Variants in CD163 observed in about 807,000 individuals in gnomAD.
CD163 encodes the protein CD163 molecule, also known as scavenger receptor cysteine-rich type 1 protein M130.
Under a neutral mutation model 129.2 loss-of-function variants are expected in CD163, and 64 were observed. That is an observed-to-expected ratio of 0.50 (90% CI 0.41 to 0.61). The LOEUF (loss-of-function observed/expected upper bound fraction) is 0.61. CD163 is among the 20% of genes least tolerant of loss of function. CD163 has a pLI of 0.00. For missense variants in CD163, 1,061 were observed against 1,377.9 expected, an observed-to-expected ratio of 0.77 and a Z score of 3.64; for synonymous variants, 446 against 478.5, an observed-to-expected ratio of 0.93 and a Z score of 0.89.
At position 7,486,432 on chromosome 12, in the gene CD163, C is replaced by A. The variant is rs576127661; in HGVS notation, c.2458+67G>T. On this transcript the variant is annotated intron_variant, in intron 10 of 16. Transcript: ENST00000432237. ...TTCAGGAAAATCTTTAAGATTAATACCCCTCACTACCCTTCCTCAGTCCTT... is the reference window on the plus strand; with the variant it reads ...TTCAGGAAAATCTTTAAGATTAATAACCCTCACTACCCTTCCTCAGTCCTT... The A allele has an allele frequency of 1.6e-4, 217 of 1,394,994 alleles. No homozygotes were observed. In the African/African-American group the frequency reaches 2.1e-3, roughly 13 times the overall value. The allele number at this position is 1,394,994 out of a possible 1,614,324, so 86.4% of individuals were successfully genotyped here. A position where few individuals can be genotyped will look rare whatever the true frequency, so the allele number is the denominator to read the frequency against.
intron 16 of CD163, among the ~76,000 whole-genome samples, chr12:7,472,365 C>T (rs1949016805): frequency 6.6e-6 from 1 of 152,182 alleles, no homozygotes; most frequent in East Asian, 1.9e-4. Context: ...GACGAAACTT[C>T]CAGAGGAATG....
chr12:7,494,659 T>G (rs1275359710), intron 6 of CD163, among the ~76,000 whole-genome samples: 1 of 152,204 alleles, frequency 6.6e-6, no homozygotes, highest in East Asian at 1.9e-4. Context: ...TTTTTGAGCT[T>G]TTTAAAGAGG....
chr12:7,497,406 T>C (rs1949418433), intron 4 of CD163, among the ~76,000 whole-genome samples: 1 of 152,214 alleles, frequency 6.6e-6, no homozygotes, highest in Non-Finnish European at 1.5e-5. Context: ...GACCTGCTAT[T>C]TGACCACCAC....
At chr12:7,479,805 C>T in intron 16 of CD163, 55 bp downstream of exon 16, 2 of 1,572,136 alleles carry the variant, frequency 1.3e-6, no homozygotes, top group Admixed American at 1.9e-5. Context: ...AGCTCTCAGT[C>T]CTCAAAAGGA....
chr12:7,472,756 G>A (rs978924714), intron 16 of CD163, among the ~76,000 whole-genome samples: 1 of 152,194 alleles, frequency 6.6e-6, no homozygotes, highest in Non-Finnish European at 1.5e-5. Flanking sequence ...GCTTCAGAAG[G>A]TGGATACTAA....
Position 7,496,730 on chromosome 12 carries a change from T to G in CD163, c.1099+83A>C. On this transcript the variant is annotated intron_variant, in intron 5 of 16. Transcript: ENST00000432237. The surrounding 1 kb of genome is among the most constrained non-coding windows in gnomAD (Gnocchi z 4.8). ...CATTTCTACTTCTTAAGGAGCACGT[T>G]CCTACTCTTAAGGAGCACAGGACTT... 1 of 1,174,182 alleles carries G rather than the reference T, an allele frequency of 8.5e-7. No homozygotes were observed. Among genetic ancestry groups the G allele is most frequent in the Non-Finnish European group, 1.3e-6 (1 of 794,144 alleles). The allele number at this position is 1,174,182 out of a possible 1,614,324, so 72.7% of individuals were successfully genotyped here. A position where few individuals can be genotyped will look rare whatever the true frequency, so the allele number is the denominator to read the frequency against.
At position 7,486,554 on chromosome 12, in the gene CD163, G is replaced by A. The variant is rs977803294; in HGVS notation, c.2403C>T (p.His801=). 1.2e-5 allele frequency: 19 copies of A among 1,614,056 alleles called. No homozygotes were observed. The highest frequency in any genetic ancestry group is 3.3e-5 in the Admixed American group (2 of 60,010). ...GCCTGCAATTTTGCTGCCCCCAGCC[G>A]TGTGAATGGCACTGCCAAATGCGGG... ...KESRIWQCHS[H]GWGQQNCRHK... is the part of the protein sequence containing the mutation. The change falls in exon 10 of 17, where the codon CAC becomes CAT. Residue 801 remains histidine (H), a synonymous_variant. Transcript: ENST00000432237.
chr12:7,503,312 T>A (rs1303461944), intron 1 of CD163, among the ~76,000 whole-genome samples: 2 of 152,236 alleles, frequency 1.3e-5, no homozygotes, highest in East Asian at 3.8e-4. Flanking sequence ...TAGATAACTT[T>A]CTTTATGTAA....
At position 7,481,258 on chromosome 12, in the gene CD163, T is replaced by G. The variant is rs1399584651; in HGVS notation, c.3248-2A>C. 1.2e-6 allele frequency: 2 copies of G among 1,611,106 alleles called. No individual in the cohort carries two copies. Among genetic ancestry groups the G allele is most frequent in the East Asian group, 4.5e-5 (2 of 44,852 alleles). ...CTAAGTTCTCTCCTCTTGAGGAAAC[T>G]GAAAACAGAGATCCCTAGGTTAGGG... On this transcript the variant is annotated splice_acceptor_variant, in intron 14 of 16. Transcript: ENST00000432237. LOFTEE classifies it high-confidence loss of function.
In CD163 at chr12:7,481,484, T is replaced by A. The variant is rs139943267; in HGVS notation, c.3248-228A>T. On this transcript the variant is annotated intron_variant, in intron 14 of 16. Transcript: ENST00000432237. ...TTGTATTAATATAAACAACCCACTG[T>A]TTTTACCCAAGGAAGCCAGCAGTCT... Among the ~76,000 whole-genome samples the A allele has an allele frequency of 4.6e-3, 698 of 152,320 alleles. 4 individuals are homozygous for A. Among genetic ancestry groups the A allele is most frequent in the Non-Finnish European group, 7.6e-3 (517 of 68,022 alleles).
intron 16 of CD163, among the ~76,000 whole-genome samples, chr12:7,479,499 T>G (rs371665871): frequency 6.6e-6 from 1 of 152,278 alleles, no homozygotes; most frequent in Non-Finnish European, 1.5e-5. Flanking sequence ...CTTTCTGTAG[T>G]GCCTTGTACA....
chr12:7,497,156 G>T (rs190528667), intron 4 of CD163, 23 bp from the exon 5 acceptor site: 16 of 1,591,354 alleles, frequency 1.0e-5, no homozygotes, highest in East Asian at 2.2e-5. Flanking sequence ...CACACAACAG[G>T]TCTGCGATAA....
At chr12:7,501,825 CCTAAGG>C (rs1485163053) in intron 2 of CD163, among the ~76,000 whole-genome samples, 1 of 152,042 alleles carries the variant, frequency 6.6e-6, no homozygotes, top group African/African-American at 2.4e-5. Flanking sequence ...TCTCCAAAAT[CCTAAGG>C]TCGATAGAAA....
At position 7,487,854 on chromosome 12, in the gene CD163, AC is replaced by A; in HGVS notation, c.1653del (p.Glu551AspfsTer9). On this transcript the variant is annotated frameshift_variant, in exon 7 of 17. Coordinates refer to ENST00000432237, the MANE Select transcript of CD163 (RefSeq NM_203416.4). LOFTEE classifies it high-confidence loss of function. The surrounding 1 kb of genome is among the most constrained non-coding windows in gnomAD (Gnocchi z 5.1). ...WAEEFQCEGHESHLSLCPVAP... is the reference protein window; with the variant it reads ...WAEEFQCEGHXSHLSLCPVAP... ...GCTACTGGGCAGAGTGAAAGATGGG[AC>A]TCATGTCCCTCACACTGGAATTCTT... 2 of 1,613,938 alleles carry A rather than the reference AC, an allele frequency of 1.2e-6. No individual in the cohort carries two copies. The highest frequency in any genetic ancestry group is 1.7e-6 in the Non-Finnish European group (2 of 1,179,990).
intron 6 of CD163, among the ~76,000 whole-genome samples, chr12:7,489,498 ATAAT>A (rs1949299758): frequency 6.6e-6 from 1 of 152,124 alleles, no homozygotes; most frequent in South Asian, 2.1e-4. Context: ...CATGTATGCA[ATAAT>A]TAATCCAAAA....
At chr12:7,484,973 G>T in intron 11 of CD163, 123 bp downstream of exon 11, 1 of 865,672 alleles carries the variant, frequency 1.2e-6, no homozygotes, top group Non-Finnish European at 1.8e-6. Context: ...ACCCATTCTT[G>T]CTTAATTCAA....
At chr12:7,480,914 C>G in intron 15 of CD163, 3 of 1,143,888 alleles carry the variant, frequency 2.6e-6, no homozygotes, top group Non-Finnish European at 3.2e-6. Flanking sequence ...TAATATTCCT[C>G]TGCATGGTTC....
chr12:7,479,823 T>C, intron 16 of CD163, 37 bp downstream of exon 16: 1 of 1,597,522 alleles, frequency 6.3e-7, no homozygotes, highest in African/African-American at 1.3e-5. Flanking sequence ...GGAATGCAGC[T>C]GTTTTGAACA....
chr12:7,495,487 T>C (rs1213624600), intron 5 of CD163, 86 bp from the exon 6 acceptor site: 15 of 1,108,686 alleles, frequency 1.4e-5, no homozygotes, highest in Non-Finnish European at 3.9e-6. Context: ...TCTTCTCTGA[T>C]ACTGATGCAT....
Sources: gnomAD v4.1 joint callset for allele counts (sites outside exome capture counted in the v4.1 genomes callset) on GRCh38, gnomAD v4.1.1 for gene constraint, Gnocchi (gnomAD v3.1) non-coding constraint, MANE v1.5 for transcripts, NCBI Gene and HGNC (gene_info 2026-07-23, HGNC 2026-07-21) for gene names.